Variants in SENP6 observed in about 807,000 individuals in gnomAD.
The protein encoded by SENP6 is SUMO specific peptidase 6.
A neutral mutation model predicts 134.5 loss-of-function variants in SENP6; 41 were observed. The ratio of observed to expected loss-of-function variants is 0.30; its 90% CI spans 0.24 to 0.40. SENP6 has a LOEUF of 0.40. Ranked by LOEUF, SENP6 falls within the 10% of genes least tolerant of loss-of-function variation. SENP6 has a pLI of 1.00. For missense variants in SENP6, 1,248 were observed against 1,312.5 expected, an observed-to-expected ratio of 0.95 and a Z score of 0.76; for synonymous variants, 395 against 429.8, an observed-to-expected ratio of 0.92 and a Z score of 1.00.
intron 7 of SENP6, among the ~76,000 whole-genome samples, chr6:75,657,473 G>A (rs965189703): frequency 6.6e-6 from 1 of 152,118 alleles, no homozygotes; most frequent in South Asian, 2.1e-4. Context: ...CTATATCTGT[G>A]TATGAATCAT....
chr6:75,634,661 A>G, intron 4 of SENP6, 46 bp from the exon 5 acceptor site: 1 of 1,094,636 alleles, frequency 9.1e-7, no homozygotes, highest in East Asian at 2.5e-5. Context: ...AAATGTGTAT[A>G]TAATTTTTCC....
Position 75,670,671 on chromosome 6 carries a change from G to T in SENP6, c.1343G>T (p.Arg448Leu). Residue 448 changes from arginine to leucine, a missense_variant, in exon 11 of 24, where the codon CGA becomes CTA. By Grantham distance (102) the Arg-to-Leu change is moderately radical. Coordinates refer to ENST00000447266, the MANE Select transcript of SENP6 (RefSeq NM_015571.4). ...SSFDSVILNC[R>L]SIRVGTLFRL... ...TTTGACAGTGTCATTTTAAACTGTCGAAGTATACGAGTAGGAACACTCTTC... is the reference window on the plus strand; with the variant it reads ...TTTGACAGTGTCATTTTAAACTGTCTAAGTATACGAGTAGGAACACTCTTC... 6.2e-7 allele frequency: 1 copy of T among 1,613,228 alleles called. No individual in the cohort carries two copies. The highest frequency in any genetic ancestry group is 8.5e-7 in the Non-Finnish European group (1 of 1,179,524).
chr6:75,660,090 A>G (rs1302731813), intron 8 of SENP6, among the ~76,000 whole-genome samples: 1 of 152,212 alleles, frequency 6.6e-6, no homozygotes, highest in Non-Finnish European at 1.5e-5. Flanking sequence ...AAATAATTTC[A>G]CAGTCTTATC....
At chr6:75,628,807 C>T (rs960055182) in intron 3 of SENP6, among the ~76,000 whole-genome samples, 6 of 152,162 alleles carry the variant, frequency 3.9e-5, no homozygotes, top group African/African-American at 1.2e-4. Context: ...GCAGCCTCTT[C>T]CTCCTAGGCT....
intron 16 of SENP6, 49 bp downstream of exon 16, chr6:75,678,976 A>T (rs1388788637): frequency 2.2e-6 from 2 of 900,256 alleles, no homozygotes; most frequent in East Asian, 5.1e-5. Flanking sequence ...ACATTCCGTC[A>T]TATCTTATGT....
At position 75,678,583 on chromosome 6, in the gene SENP6, G is replaced by T. The variant is rs1266278703; in HGVS notation, c.1849G>T (p.Val617Leu). The T allele has an allele frequency of 1.5e-6, 2 of 1,377,928 alleles. No individual in the cohort carries two copies. The highest frequency in any genetic ancestry group is 1.0e-6 in the Non-Finnish European group (1 of 980,442). 85.4% of individuals were successfully genotyped at this position (1,377,928 alleles called of 1,614,324 possible). ...TTGCTAATTTAATTTCCTTTACCAG[G>T]TATCATTTGAATCTAAAATACAACT... ...CGQKENKIKT[V>L]SFESKIQLRS... The change falls in exon 15 of 24, where the codon GTA becomes TTA. Residue 617 changes from valine (V) to leucine (L), a missense_variant and splice_region_variant. Val to Leu is a conservative substitution (Grantham distance 32). Around this residue, in one of 3 missense-constraint regions of SENP6, gnomAD observed 733 missense variants for 725.4 expected, o/e 1.01. Coordinates refer to ENST00000447266, the MANE Select transcript of SENP6 (RefSeq NM_015571.4).
intron 16 of SENP6, among the ~76,000 whole-genome samples, chr6:75,689,252 T>C (rs1049870417): frequency 6.6e-6 from 1 of 152,052 alleles, no homozygotes; most frequent in African/African-American, 2.4e-5. Flanking sequence ...AAATAAAATC[T>C]TTATAGATAA....
At chr6:75,657,555 G>A (rs1351852858) in intron 7 of SENP6, among the ~76,000 whole-genome samples, 1 of 152,084 alleles carries the variant, frequency 6.6e-6, no homozygotes, top group Admixed American at 6.5e-5. Flanking sequence ...TCCGACCCCT[G>A]TAATTTCATT....
chr6:75,676,129 T>TGA (rs1398664535), intron 13 of SENP6, 75 bp downstream of exon 13: 1 of 994,760 alleles, frequency 1.0e-6, no homozygotes, highest in Non-Finnish European at 1.4e-6. Flanking sequence ...TAGCAAAATG[T>TGA]GAGTGCACTT....
intron 2 of SENP6, among the ~76,000 whole-genome samples, 178 bp downstream of exon 2, chr6:75,621,803 T>A (rs1768293915): frequency 1.3e-5 from 2 of 152,242 alleles, no homozygotes; most frequent in Admixed American, 1.3e-4. Flanking sequence ...AATTTTACTG[T>A]TATTTTCTCC....
At chr6:75,622,530 G>C (rs1308153665) in intron 2 of SENP6, among the ~76,000 whole-genome samples, 1 of 152,188 alleles carries the variant, frequency 6.6e-6, no homozygotes, top group Non-Finnish European at 1.5e-5. Flanking sequence ...TTGCACTCCA[G>C]CCTGGGCGAC....
At chr6:75,679,007 C>A in intron 16 of SENP6, 80 bp downstream of exon 16, 1 of 720,856 alleles carries the variant, frequency 1.4e-6, no homozygotes, top group South Asian at 1.8e-5. Context: ...CAGAGTCAGG[C>A]TTTTTGAGTT....
intron 3 of SENP6, among the ~76,000 whole-genome samples, chr6:75,630,946 G>T (rs11753082): frequency 0.29 from 43,430 of 151,268 alleles, 6,804 homozygotes; most frequent in Middle Eastern, 0.38. Context: ...ACCGTATTCT[G>T]AATAATTTCT....
intron 16 of SENP6, among the ~76,000 whole-genome samples, chr6:75,689,047 CAA>C (rs1292143904): frequency 6.6e-6 from 1 of 152,058 alleles, no homozygotes; most frequent in African/African-American, 2.4e-5. Flanking sequence ...GCCTGGGCAA[CAA>C]GAGTGAAACT....
chr6:75,682,921 G>A lies in SENP6; in HGVS notation c.2075+3994G>A, dbSNP rs1174041103. ...TTTATAATCCTTTGGGTATATACCA[G>A]GTAATGGGATTGCTGGGTCAAATGG... On this transcript the variant is annotated intron_variant, in intron 16 of 23. Transcript: ENST00000447266. Among the ~76,000 whole-genome samples the A allele has an allele frequency of 2.6e-5, 4 of 152,218 alleles. No homozygotes were observed. In the East Asian group the frequency reaches 7.7e-4, roughly 29 times the overall value.
At position 75,713,601 on chromosome 6, in the gene SENP6, C is replaced by A; in HGVS notation, c.2978+20C>A. 1 of 1,609,442 alleles carries A rather than the reference C, an allele frequency of 6.2e-7. No individual in the cohort carries two copies. Among genetic ancestry groups the A allele is most frequent in the South Asian group, 1.1e-5 (1 of 90,846 alleles). Reference sequence around the variant, plus strand: ...AAGAGAGTAAGTTCACACTTTATTTCGTATTCTGATGGGGATGAAGAACTA... The same window carrying A: ...AAGAGAGTAAGTTCACACTTTATTTAGTATTCTGATGGGGATGAAGAACTA... On this transcript the variant is annotated intron_variant, in intron 22 of 23. Coordinates refer to ENST00000447266, the MANE Select transcript of SENP6 (RefSeq NM_015571.4).
chr6:75,606,337 A>T (rs1430770835), intron 1 of SENP6, among the ~76,000 whole-genome samples: 1 of 152,072 alleles, frequency 6.6e-6, no homozygotes, highest in African/African-American at 2.4e-5. Flanking sequence ...CCCCTCTTTG[A>T]CTTGTTTCTT....
intron 16 of SENP6, among the ~76,000 whole-genome samples, chr6:75,689,213 G>A (rs1056998876): frequency 6.6e-6 from 1 of 152,100 alleles, no homozygotes; most frequent in Non-Finnish European, 1.5e-5. Flanking sequence ...CAACCTGGGT[G>A]ACAGAGCAAG....
rs71002754 is a variant in SENP6, at chr6:75,652,683, CAAA to C, written c.550+4900_550+4902del. ...GAAATCCCATCTCTACTAAAAATCT[CAAA>C]AAAAAAAAAAAAAAAAAGAAAAAGA... On this transcript the variant is annotated intron_variant, in intron 7 of 23. Coordinates refer to ENST00000447266, the MANE Select transcript of SENP6 (RefSeq NM_015571.4). Among the ~76,000 whole-genome samples the C allele has an allele frequency of 3.8e-4, 29 of 75,866 alleles. 2 individuals are homozygous for C. The highest frequency in any genetic ancestry group is 3.5e-3 in the South Asian group (6 of 1,694). 49.8% of individuals were successfully genotyped at this position (75,866 alleles called of 152,430 possible). A position where few individuals can be genotyped will look rare whatever the true frequency, so the allele number is the denominator to read the frequency against.
Sources: gnomAD v4.1 joint callset for allele counts (sites outside exome capture counted in the v4.1 genomes callset) on GRCh38, gnomAD v4.1.1 for gene constraint, gnomAD v4.1.1 regional missense constraint, MANE v1.5 for transcripts, NCBI Gene and HGNC (gene_info 2026-07-23, HGNC 2026-07-21) for gene names.